The following GABRB3 variants were observed in gnomAD, a reference collection of about 807,000 sequenced individuals.
GABRB3 encodes the protein gamma-aminobutyric acid receptor subunit beta-3.
A neutral mutation model predicts 52.1 loss-of-function variants in GABRB3; 14 were observed. That is an observed-to-expected ratio of 0.27 (90% CI 0.18 to 0.42). The LOEUF is 0.42. Among genes scored for constraint, GABRB3 ranks in the 10% least tolerant of loss-of-function variants. The probability of loss-of-function intolerance (pLI) is 1.00; values close to 1 mark genes in which losing one functional copy is unlikely to be tolerated. For synonymous variants in GABRB3, 260 were observed against 232.3 expected (o/e 1.12, Z -1.08); for missense variants, 307 against 609.1 (o/e 0.50, Z 5.22).
chr15:26,614,189 G>A (rs891800497), intron 4 of GABRB3: 2 of 152,166 alleles, frequency 1.3e-5, no homozygotes, highest in African/African-American at 2.4e-5. Flanking sequence ...CCAACAGATA[G>A]CTCAGGTGGG....
At chr15:26,660,544 T>G (rs1342817407) in intron 3 of GABRB3, among the ~76,000 whole-genome samples, 2 of 152,194 alleles carry the variant, frequency 1.3e-5, no homozygotes, top group Non-Finnish European at 2.9e-5. Context: ...GTAAGGACTA[T>G]TCCCCAAATC....
At chr15:26,605,273 C>T (rs1891745886) in intron 4 of GABRB3, among the ~76,000 whole-genome samples, 1 of 152,036 alleles carries the variant, frequency 6.6e-6, no homozygotes, top group Non-Finnish European at 1.5e-5. Context: ...CAACTGCTGG[C>T]AAGGATGTAG....
intron 3 of GABRB3, among the ~76,000 whole-genome samples, chr15:26,696,884 C>T (rs1241535024): frequency 6.6e-6 from 1 of 152,214 alleles, no homozygotes; most frequent in Non-Finnish European, 1.5e-5. Flanking sequence ...GGCACTGCAA[C>T]ACTGGGCTAC....
intron 4 of GABRB3, among the ~76,000 whole-genome samples, chr15:26,611,535 T>C (rs1595481356): frequency 6.6e-6 from 1 of 152,180 alleles, no homozygotes; most frequent in South Asian, 2.1e-4. Flanking sequence ...TAATTCAGAT[T>C]TGATCTCAAA....
intron 3 of GABRB3, among the ~76,000 whole-genome samples, chr15:26,690,989 C>T (rs1238504836): frequency 6.6e-6 from 1 of 151,664 alleles, no homozygotes; most frequent in African/African-American, 2.4e-5. Context: ...GTCCTCTTCT[C>T]CCCTCCCCAC....
At chr15:26,684,541 G>A (rs1410999683) in intron 3 of GABRB3, among the ~76,000 whole-genome samples, 9 of 152,138 alleles carry the variant, frequency 5.9e-5, no homozygotes, top group Admixed American at 5.9e-4. Flanking sequence ...TTGGCTTTCG[G>A]CGTGCCTTTC....
intron 4 of GABRB3, among the ~76,000 whole-genome samples, chr15:26,591,393 A>T (rs1891199445): frequency 6.6e-6 from 1 of 152,200 alleles, no homozygotes; most frequent in South Asian, 2.1e-4. Context: ...TAAAAGAGGG[A>T]CATCTGTTTC....
intron 3 of GABRB3, among the ~76,000 whole-genome samples, chr15:26,681,061 T>C: frequency 6.6e-6 from 1 of 152,212 alleles, no homozygotes; most frequent in Non-Finnish European, 1.5e-5. Flanking sequence ...TGATTTCAAA[T>C]CTCTTCCTTT....
At chr15:26,596,182 T>C (rs948187045) in intron 4 of GABRB3, among the ~76,000 whole-genome samples, 1 of 151,978 alleles carries the variant, frequency 6.6e-6, no homozygotes, top group African/African-American at 2.4e-5. Flanking sequence ...TTTACAAAGA[T>C]AGATAGGAAT....
chr15:26,769,425 C>T (rs1342269133), intron 3 of GABRB3, among the ~76,000 whole-genome samples: 1 of 152,166 alleles, frequency 6.6e-6, no homozygotes, highest in Non-Finnish European at 1.5e-5. Context: ...CATCTCAAAT[C>T]ATGTCAATTA....
chr15:26,695,339 T>C (rs1888704805), intron 3 of GABRB3, among the ~76,000 whole-genome samples: 1 of 152,014 alleles, frequency 6.6e-6, no homozygotes. Context: ...CCAGAAACCA[T>C]GAGAACATAC....
At chr15:26,641,607 T>C (rs1893202341) in intron 3 of GABRB3, among the ~76,000 whole-genome samples, 1 of 152,216 alleles carries the variant, frequency 6.6e-6, no homozygotes, top group African/African-American at 2.4e-5. Flanking sequence ...ACCTGACAGG[T>C]AGATCACATC....
At chr15:26,767,734 T>G (rs543790238) in intron 3 of GABRB3, among the ~76,000 whole-genome samples, 16 of 152,334 alleles carry the variant, frequency 1.1e-4, no homozygotes, top group African/African-American at 3.4e-4. Context: ...TTCTAGACCC[T>G]GAAGTAGGGG....
chr15:26,715,633 AAT>A (rs1889443876), intron 3 of GABRB3, among the ~76,000 whole-genome samples: 1 of 152,232 alleles, frequency 6.6e-6, no homozygotes, highest in Admixed American at 6.5e-5. Flanking sequence ...GAGCACATAC[AAT>A]ATGTTTTCAG....
intron 3 of GABRB3, among the ~76,000 whole-genome samples, chr15:26,653,141 T>C (rs896318781): frequency 2.0e-5 from 3 of 152,198 alleles, no homozygotes; most frequent in Non-Finnish European, 4.4e-5. Flanking sequence ...TAAAATAAGA[T>C]GGATAACAGA....
chr15:26,661,537 A>C (rs531019950), intron 3 of GABRB3, among the ~76,000 whole-genome samples: 92 of 152,236 alleles, frequency 6.0e-4, no homozygotes, highest in African/African-American at 2.1e-3. Flanking sequence ...GAACATTTAC[A>C]AGGTGCTTGG....
Position 26,719,750 on chromosome 15 carries a change from A to G in GABRB3, c.240+52652T>C, listed in dbSNP as rs990097456. The stretch of plus-strand genomic sequence containing the variant: ...GGTCAGCTCTGAATATTAACTTCAC[A>G]AGCCAGTTGAAGAAATTAGGACAAT... On this transcript the variant is annotated intron_variant, in intron 3 of 8. Coordinates refer to ENST00000311550, the MANE Select transcript of GABRB3 (RefSeq NM_000814.6). Among the ~76,000 whole-genome samples the G allele has an allele frequency of 2.6e-5, 4 of 152,190 alleles. No individual in the cohort carries two copies. In the East Asian group the frequency reaches 7.7e-4, roughly 29 times the overall value.
chr15:26,637,906 G>A (rs1393745513), intron 3 of GABRB3, among the ~76,000 whole-genome samples: 1 of 152,102 alleles, frequency 6.6e-6, no homozygotes, highest in African/African-American at 2.4e-5. Context: ...CTAGCCTCCT[G>A]TTTCTGCCTA....
chr15:26,615,274 A>C, intron 4 of GABRB3: 1 of 985,272 alleles, frequency 1.0e-6, no homozygotes, highest in Non-Finnish European at 1.2e-6. Flanking sequence ...AGTTCCTTAA[A>C]TGGTTTGACT....
Sources: gnomAD v4.1 joint callset for allele counts (sites outside exome capture counted in the v4.1 genomes callset) on GRCh38, gnomAD v4.1.1 for gene constraint, MANE v1.5 for transcripts, NCBI Gene and HGNC (gene_info 2026-07-23, HGNC 2026-07-21) for gene names.